RPS6KA1: variants seen among roughly 807,000 people sequenced by gnomAD.
RPS6KA1 encodes the protein ribosomal protein S6 kinase A1.
A neutral mutation model predicts 91.3 loss-of-function variants in RPS6KA1; 48 were observed. The ratio of observed to expected loss-of-function variants is 0.53; its 90% CI spans 0.42 to 0.67. RPS6KA1 has a LOEUF of 0.67. Ranked by LOEUF, RPS6KA1 falls within the 30% of genes least tolerant of loss-of-function variation. The pLI, the probability that RPS6KA1 is intolerant of heterozygous loss-of-function variation, is 0.00. For synonymous variants in RPS6KA1, 359 were observed against 384.7 expected, an observed-to-expected ratio of 0.93 and a Z score of 0.78; for missense variants, 719 against 960.5, an observed-to-expected ratio of 0.75 and a Z score of 3.32.
At chr1:26,559,865 G>T (rs1374685990) in intron 14 of RPS6KA1, among the ~76,000 whole-genome samples, 1 of 152,144 alleles carries the variant, frequency 6.6e-6, no homozygotes, top group Non-Finnish European at 1.5e-5. Context: ...GCCAAGAAGG[G>T]TGGATTGCTT....
Position 26,554,498 on chromosome 1 carries a change from T to C in RPS6KA1, c.614-98T>C, listed in dbSNP as rs873151. The C allele has an allele frequency of 0.3, 437,481 of 1,472,832 alleles. 73,084 individuals are homozygous for C. Among genetic ancestry groups the C allele is most frequent in the East Asian group, 0.76 (32,842 of 43,460 alleles). The allele number at this position is 1,472,832 out of a possible 1,614,324, so 91.2% of individuals were successfully genotyped here. On this transcript the variant is annotated intron_variant, in intron 8 of 21. Coordinates refer to ENST00000374168, the MANE Select transcript of RPS6KA1 (RefSeq NM_002953.4). This position sits in a 1 kb window ranked among gnomAD's most constrained non-coding sequence, Gnocchi z 4.6. The stretch of plus-strand genomic sequence containing the variant: ...TTCCTCCTGAGTGTCATGGGGGTGA[T>C]GCCTTCTGGCCTCTGGGCACGGGGG...
In RPS6KA1 at chr1:26,554,518, C is replaced by A; in HGVS notation, c.614-78C>A. ...GGTGATGCCTTCTGGCCTCTGGGCA[C>A]GGGGGTTGGGTGTGCAAAGGGTGGC... On this transcript the variant is annotated intron_variant, in intron 8 of 21. Coordinates refer to ENST00000374168, the MANE Select transcript of RPS6KA1 (RefSeq NM_002953.4). This position sits in a 1 kb window ranked among gnomAD's most constrained non-coding sequence, Gnocchi z 4.6. 6.5e-7 allele frequency: 1 copy of A among 1,533,188 alleles called. No homozygotes were observed. The highest frequency in any genetic ancestry group is 8.8e-7 in the Non-Finnish European group (1 of 1,132,706). 95.0% of individuals were successfully genotyped at this position (1,533,188 alleles called of 1,614,324 possible).
At chr1:26,543,145 C>T in intron 2 of RPS6KA1, 5 of 1,535,514 alleles carry the variant, frequency 3.3e-6, no homozygotes, top group Non-Finnish European at 4.4e-6. Flanking sequence ...CCTCTGGTCA[C>T]CGGCTTGAGC....
Position 26,539,401 on chromosome 1 carries a change from C to T in RPS6KA1, c.108+2432C>T, listed in dbSNP as rs541853967. Among the ~76,000 whole-genome samples the T allele has an allele frequency of 1.9e-4, 29 of 152,304 alleles. 1 individual carries two copies. The South Asian group carries it at 5.8e-3, about 30-fold the overall frequency. ...TGGGCAGCTGGAGAAAGAATTGGGCCTTCCAGGTGGCAAAGAGGCAGGGAA... is the reference window on the plus strand; with the variant it reads ...TGGGCAGCTGGAGAAAGAATTGGGCTTTCCAGGTGGCAAAGAGGCAGGGAA... On this transcript the variant is annotated intron_variant, in intron 2 of 21. Coordinates refer to ENST00000374168, the MANE Select transcript of RPS6KA1 (RefSeq NM_002953.4).
chr1:26,546,851 T>C lies in RPS6KA1; in HGVS notation c.109-16T>C. ...GATGGGGCCCACCATGCCCACCAGC[T>C]CTGTCCCTCCATCAGGATGAGGGCG... On this transcript the variant is annotated splice_polypyrimidine_tract_variant and intron_variant, in intron 2 of 21. Coordinates refer to ENST00000374168, the MANE Select transcript of RPS6KA1 (RefSeq NM_002953.4). 6.2e-7 allele frequency: 1 copy of C among 1,609,060 alleles called. No homozygotes were observed. Among genetic ancestry groups the C allele is most frequent in the Non-Finnish European group, 8.5e-7 (1 of 1,175,626 alleles).
Position 26,555,882 on chromosome 1 carries a change from C to T in RPS6KA1, c.916+257C>T, listed in dbSNP as rs373184203. On this transcript the variant is annotated intron_variant, in intron 11 of 21. Transcript: ENST00000374168. This position sits in a 1 kb window ranked among gnomAD's most constrained non-coding sequence, Gnocchi z 4.3. Reference sequence around the variant, plus strand: ...AAGGACAGAGGCCCCCACACAGCTTCTCCGCCAAGGCTGCTGGCACAAGAG... The same window carrying T: ...AAGGACAGAGGCCCCCACACAGCTTTTCCGCCAAGGCTGCTGGCACAAGAG... Among the ~76,000 whole-genome samples the T allele has an allele frequency of 5.9e-5, 9 of 152,188 alleles. No individual in the cohort carries two copies. The East Asian group carries it at 7.7e-4, about 13-fold the overall frequency.
Position 26,558,178 on chromosome 1 carries a change from A to G in RPS6KA1, c.1085-629A>G, listed in dbSNP as rs2076122589. ...TGACAAGTGCAGCTTCGTAGGAGTCAGGGGCCGGAGGAGCAGCATCAGGCA... is the reference window on the plus strand; with the variant it reads ...TGACAAGTGCAGCTTCGTAGGAGTCGGGGGCCGGAGGAGCAGCATCAGGCA... On this transcript the variant is annotated intron_variant, in intron 13 of 21. Coordinates refer to ENST00000374168, the MANE Select transcript of RPS6KA1 (RefSeq NM_002953.4). The surrounding 1 kb of genome is among the most constrained non-coding windows in gnomAD (Gnocchi z 4.0). Among the ~76,000 whole-genome samples the G allele has an allele frequency of 6.6e-6, 1 of 152,146 alleles. No homozygotes were observed. The highest frequency in any genetic ancestry group is 2.1e-4 in the South Asian group (1 of 4,834).
Position 26,558,871 on chromosome 1 carries a change from C to A in RPS6KA1, c.1149C>A (p.Ala383=), listed in dbSNP as rs757784359. ...TGTTCCGGGGCTTCAGCTTCGTGGC[C>A]ACCGGCCTGATGGAAGACGACGGCA... ...HQLFRGFSFV[A]TGLMEDDGKP... is the part of the protein sequence containing the mutation. The change falls in exon 14 of 22, where the codon GCC becomes GCA. Residue 383 remains alanine, a synonymous_variant. Coordinates refer to ENST00000374168, the MANE Select transcript of RPS6KA1 (RefSeq NM_002953.4). This position sits in a 1 kb window ranked among gnomAD's most constrained non-coding sequence, Gnocchi z 4.0. The A allele has an allele frequency of 3.7e-6, 6 of 1,613,806 alleles. No individual in the cohort carries two copies. In the African/African-American group the frequency reaches 8.0e-5, roughly 22 times the overall value.
In RPS6KA1 at chr1:26,558,833, G is replaced by C; in HGVS notation, c.1111G>C (p.Gly371Arg). 6.2e-7 allele frequency: 1 copy of C among 1,612,728 alleles called. No individual in the cohort carries two copies. The highest frequency in any genetic ancestry group is 1.3e-5 in the African/African-American group (1 of 75,010). Reference protein sequence around the residue: ...KDSPGIPPSAGAHQLFRGFSF... With the variant: ...KDSPGIPPSARAHQLFRGFSF... ...TTCCCCAGGCATCCCCCCCAGCGCT[G>C]GGGCCCATCAGCTGTTCCGGGGCTT... The change falls in exon 14 of 22, where the codon GGG (glycine) becomes CGG (arginine). Residue 371 changes from glycine (G) to arginine (R), a missense_variant. Gly to Arg is a moderately radical substitution (Grantham distance 125). Transcript: ENST00000374168. The surrounding 1 kb of genome is among the most constrained non-coding windows in gnomAD (Gnocchi z 4.0).
intron 20 of RPS6KA1, among the ~76,000 whole-genome samples, chr1:26,572,943 G>A (rs901444973): frequency 1.4e-4 from 21 of 152,224 alleles, no homozygotes; most frequent in African/African-American, 5.1e-4. Flanking sequence ...GAATCTGTCT[G>A]AGCCCAAACC....
intron 2 of RPS6KA1, chr1:26,546,099 C>T: frequency 6.4e-7 from 1 of 1,572,480 alleles, no homozygotes; most frequent in East Asian, 2.4e-5. Context: ...GCCTGGGAAG[C>T]CAGCTTAACA....
chr1:26,574,110 A>G lies in RPS6KA1; in HGVS notation c.2117A>G (p.Asn706Ser), dbSNP rs755636493. 23 of 1,613,888 alleles carry G rather than the reference A, an allele frequency of 1.4e-5. 1 individual carries two copies. The East Asian group carries it at 4.5e-4, about 31-fold the overall frequency. ...GAMAATYSAL[N>S]SSKPTPQLKP... ...ATGGCTGCCACGTACTCCGCACTCA[A>G]CAGCTCCAAGCCCACCCCCCAGCTG... Residue 706 changes from asparagine (N) to serine (S), a missense_variant, in exon 22 of 22, where the codon AAC becomes AGC. By Grantham distance (46) the Asn-to-Ser change is conservative. This residue lies in a region of RPS6KA1 where 249 missense variants were observed against 323.1 expected (regional missense o/e 0.77). Coordinates refer to ENST00000374168, the MANE Select transcript of RPS6KA1 (RefSeq NM_002953.4). The surrounding 1 kb of genome is among the most constrained non-coding windows in gnomAD (Gnocchi z 4.3).
rs1252291315 is a variant in RPS6KA1, at chr1:26,554,218, CT to C, written c.582del (p.Leu195TrpfsTer14). 1 of 1,555,128 alleles carries C rather than the reference CT, an allele frequency of 6.4e-7. No homozygotes were observed. The highest frequency in any genetic ancestry group is 8.7e-7 in the Non-Finnish European group (1 of 1,148,818). On this transcript the variant is annotated frameshift_variant, in exon 8 of 22. Transcript: ENST00000374168. LOFTEE classifies it high-confidence loss of function. This position sits in a 1 kb window ranked among gnomAD's most constrained non-coding sequence, Gnocchi z 4.6. ...ACCACTATTTCTCTATTACAGCATCCTTCTGGATGAGGAGGGCCACATCAAA... is the reference window on the plus strand; with the variant it reads ...ACCACTATTTCTCTATTACAGCATCCTCTGGATGAGGAGGGCCACATCAAA... The part of the protein sequence containing the change: ...IYRDLKPENI[L>X]LDEEGHIKLT...
intron 2 of RPS6KA1, chr1:26,543,342 A>C (rs1405710823): frequency 5.3e-6 from 4 of 750,236 alleles, no homozygotes; most frequent in Non-Finnish European, 9.1e-6. Context: ...GTCCCCAGGG[A>C]GTGCTCTCAG....
chr1:26,545,378 A>G (rs1490219485), intron 2 of RPS6KA1, among the ~76,000 whole-genome samples: 3 of 147,020 alleles, frequency 2.0e-5, no homozygotes, highest in Non-Finnish European at 4.5e-5. Flanking sequence ...GGGTTTCATC[A>G]TGTTAACCAG....
rs906400179 is a variant in RPS6KA1, at chr1:26,534,857, A to G, written c.64-2068A>G. On this transcript the variant is annotated intron_variant, in intron 1 of 21. Transcript: ENST00000374168. ...TGGGCAGTTGAAGATGATGGCCTTG[A>G]TTTCTATGCTAAGGAGCTGGGACTT... Among the ~76,000 whole-genome samples the G allele has an allele frequency of 5.9e-5, 9 of 152,168 alleles. 1 individual carries two copies. Among genetic ancestry groups the G allele is most frequent in the African/African-American group, 2.2e-4 (9 of 41,428 alleles).
At chr1:26,567,491 C>T (rs1173839867) in intron 17 of RPS6KA1, among the ~76,000 whole-genome samples, 5 of 152,208 alleles carry the variant, frequency 3.3e-5, no homozygotes, top group African/African-American at 1.2e-4. Flanking sequence ...GGAGATTCTC[C>T]TGCCTCAGCC....
In RPS6KA1 at chr1:26,558,055, CTG is replaced by C. The variant is rs1338718398; in HGVS notation, c.1085-751_1085-750del. On this transcript the variant is annotated intron_variant, in intron 13 of 21. Transcript: ENST00000374168. The surrounding 1 kb of genome is among the most constrained non-coding windows in gnomAD (Gnocchi z 4.0). ...TGTTGGCCAGGCTGGTCTCGAACTCCTGACCTCAGGTGATCCACAAGGGGGTG... is the reference window on the plus strand; with the variant it reads ...TGTTGGCCAGGCTGGTCTCGAACTCCACCTCAGGTGATCCACAAGGGGGTG... Among the ~76,000 whole-genome samples the C allele has an allele frequency of 6.6e-6, 1 of 151,978 alleles. No individual in the cohort carries two copies.
At chr1:26,573,482 G>A (rs2124675558) in intron 21 of RPS6KA1, 121 bp downstream of exon 21, 12 of 1,183,558 alleles carry the variant, frequency 1.0e-5, no homozygotes, top group East Asian at 2.3e-5. Flanking sequence ...TGGAACATAG[G>A]AGAAGAAGAC....
Sources: allele counts gnomAD v4.1 joint callset (sites outside exome capture counted in the v4.1 genomes callset), GRCh38; gene constraint gnomAD v4.1.1; regional missense constraint gnomAD v4.1.1; non-coding constraint Gnocchi (gnomAD v3.1); transcripts MANE v1.5; gene names NCBI Gene and HGNC (gene_info 2026-07-23, HGNC 2026-07-21).